LRRC4C: variants seen among roughly 807,000 people sequenced by gnomAD.
LRRC4C encodes leucine rich repeat containing 4C, also known as leucine-rich repeat-containing protein 4C.
LRRC4C carries 5 observed loss-of-function variants against 33.6 expected under a neutral mutation model. That is an observed-to-expected ratio of 0.15 (90% CI 0.08 to 0.31). LRRC4C has a LOEUF of 0.31. LRRC4C is among the 10% of genes least tolerant of loss of function. The pLI, the probability that LRRC4C is intolerant of heterozygous loss-of-function variation, is 1.00. For missense variants in LRRC4C, 560 were observed against 796.7 expected, an observed-to-expected ratio of 0.70 and a Z score of 3.58; for synonymous variants, 329 against 302.0, an observed-to-expected ratio of 1.09 and a Z score of -0.93.
At chr11:40,976,497 C>T (rs907853545) in intron 1 of LRRC4C, among the ~76,000 whole-genome samples, 1 of 152,156 alleles carries the variant, frequency 6.6e-6, no homozygotes, top group African/African-American at 2.4e-5. Flanking sequence ...TACTGGTGAT[C>T]AAAAGCTGTA....
chr11:40,177,711 T>C (rs1860624660), intron 5 of LRRC4C, among the ~76,000 whole-genome samples: 2 of 152,202 alleles, frequency 1.3e-5, no homozygotes, highest in Non-Finnish European at 2.9e-5. Flanking sequence ...TGCAGTTCCA[T>C]TTTTCCGTTG....
At chr11:41,437,336 C>T (rs538585349) in intron 1 of LRRC4C, among the ~76,000 whole-genome samples, 3 of 152,172 alleles carry the variant, frequency 2.0e-5, no homozygotes, top group South Asian at 4.1e-4. Context: ...AATATTATCT[C>T]CAAACTTTCA....
chr11:41,328,726 C>T (rs1420005744), intron 1 of LRRC4C, among the ~76,000 whole-genome samples: 3 of 152,290 alleles, frequency 2.0e-5, no homozygotes, highest in South Asian at 2.1e-4. Flanking sequence ...ACTCTGCAGT[C>T]GTGACATAAA....
intron 2 of LRRC4C, among the ~76,000 whole-genome samples, chr11:40,772,350 C>T (rs112078254): frequency 6.6e-6 from 1 of 152,184 alleles, no homozygotes; most frequent in East Asian, 1.9e-4. Context: ...TTACTTCCCA[C>T]GAGGTCCCTC....
chr11:40,852,813 T>C (rs1288835616), intron 2 of LRRC4C, among the ~76,000 whole-genome samples: 1 of 152,094 alleles, frequency 6.6e-6, no homozygotes, highest in African/African-American at 2.4e-5. Context: ...GAAGTCAAAA[T>C]GGAAATTTTC....
At chr11:40,567,219 G>A (rs1437327126) in intron 3 of LRRC4C, among the ~76,000 whole-genome samples, 2 of 152,064 alleles carry the variant, frequency 1.3e-5, no homozygotes, top group African/African-American at 4.8e-5. Flanking sequence ...GACTTGGAGT[G>A]ATATAAAATG....
intron 3 of LRRC4C, among the ~76,000 whole-genome samples, chr11:40,362,521 A>C (rs7116936): frequency 0.026 from 3,910 of 152,292 alleles, 155 homozygotes; most frequent in African/African-American, 0.088. Context: ...GGAGTTCAAG[A>C]CCAGTCTGGC....
intron 3 of LRRC4C, among the ~76,000 whole-genome samples, chr11:40,534,186 A>C (rs978488424): frequency 2.0e-5 from 3 of 151,768 alleles, no homozygotes; most frequent in African/African-American, 7.3e-5. Context: ...AGGTTGGATG[A>C]CTCTTAGCAC....
At chr11:40,567,410 C>T (rs966816445) in intron 3 of LRRC4C, among the ~76,000 whole-genome samples, 6 of 152,146 alleles carry the variant, frequency 3.9e-5, no homozygotes, top group Non-Finnish European at 7.4e-5. Flanking sequence ...TGTGTTTTCA[C>T]AAATGTTATC....
At chr11:40,468,432 G>A (rs1276992796) in intron 3 of LRRC4C, among the ~76,000 whole-genome samples, 1 of 152,130 alleles carries the variant, frequency 6.6e-6, no homozygotes, top group East Asian at 1.9e-4. Context: ...CCAACATATG[G>A]AGAGTAATCT....
chr11:40,403,882 T>C (rs115490084), intron 3 of LRRC4C, among the ~76,000 whole-genome samples: 2,020 of 152,194 alleles, frequency 0.013, 24 homozygotes, highest in African/African-American at 0.046. Context: ...TGTGACACAC[T>C]TCCACTGTCC....
chr11:41,279,428 A>C (rs5024888), intron 1 of LRRC4C, among the ~76,000 whole-genome samples: 2,887 of 140,804 alleles, frequency 0.021, 141 homozygotes, highest in East Asian at 0.16. Context: ...ACACACACAC[A>C]CCGTGGCAAT....
At chr11:41,260,987 G>A (rs1565527199) in intron 1 of LRRC4C, among the ~76,000 whole-genome samples, 1 of 152,038 alleles carries the variant, frequency 6.6e-6, no homozygotes, top group Non-Finnish European at 1.5e-5. Context: ...TCTCTTTTAA[G>A]GCAGAATATT....
At chr11:41,067,090 T>G (rs1357589919) in intron 1 of LRRC4C, among the ~76,000 whole-genome samples, 1 of 152,146 alleles carries the variant, frequency 6.6e-6, no homozygotes, top group Non-Finnish European at 1.5e-5. Flanking sequence ...TGTAAATGGT[T>G]TTAACGGCCC....
At chr11:40,934,808 C>G (rs1274760468) in intron 1 of LRRC4C, among the ~76,000 whole-genome samples, 1 of 151,980 alleles carries the variant, frequency 6.6e-6, no homozygotes, top group Non-Finnish European at 1.5e-5. Context: ...ATATTTTAGC[C>G]CAGCCAACTC....
At chr11:40,731,861 C>T (rs1042728227) in intron 2 of LRRC4C, among the ~76,000 whole-genome samples, 1 of 151,964 alleles carries the variant, frequency 6.6e-6, no homozygotes, top group Non-Finnish European at 1.5e-5. Context: ...TGCTTTGTTA[C>T]TCTATGAATG....
chr11:40,416,818 G>A (rs1243933536), intron 3 of LRRC4C, among the ~76,000 whole-genome samples: 1 of 152,180 alleles, frequency 6.6e-6, no homozygotes, highest in Non-Finnish European at 1.5e-5. Context: ...GAACTAGACT[G>A]TAAACCCCAA....
At chr11:41,325,012 T>C (rs899419456) in intron 1 of LRRC4C, among the ~76,000 whole-genome samples, 1 of 152,194 alleles carries the variant, frequency 6.6e-6, no homozygotes, top group African/African-American at 2.4e-5. Context: ...ATGTCTTAAG[T>C]TCATGTTGAG....
intron 2 of LRRC4C, among the ~76,000 whole-genome samples, chr11:40,926,757 C>G (rs1437815101): frequency 6.6e-6 from 1 of 151,798 alleles, no homozygotes; most frequent in Non-Finnish European, 1.5e-5. Flanking sequence ...GAAGTCTACA[C>G]AGAAATACTA....
Sources: allele counts gnomAD v4.1 joint callset (sites outside exome capture counted in the v4.1 genomes callset), GRCh38; gene constraint gnomAD v4.1.1; transcripts MANE v1.5; gene names NCBI Gene and HGNC (gene_info 2026-07-23, HGNC 2026-07-21).